AGBL1: variants seen among roughly 807,000 people sequenced by gnomAD.
AGBL1 encodes AGBL carboxypeptidase 1, also known as cytosolic carboxypeptidase 4.
AGBL1 carries 130 observed loss-of-function variants against 118.9 expected under a neutral mutation model. The observed-to-expected ratio is 1.09, with a 90% CI of 0.95 to 1.26. AGBL1 has a LOEUF of 1.26. AGBL1 is among the 50% of genes most tolerant of loss of function. The pLI, the probability that AGBL1 is intolerant of heterozygous loss-of-function variation, is 0.00. For missense variants in AGBL1, 1,584 were observed against 1,298.1 expected (o/e 1.22, Z -3.38); for synonymous variants, 555 against 478.9 (o/e 1.16, Z -2.08).
intron 23 of AGBL1, among the ~76,000 whole-genome samples, chr15:86,934,472 C>G (rs977339693): frequency 1.3e-5 from 2 of 151,936 alleles, no homozygotes; most frequent in African/African-American, 4.8e-5. Flanking sequence ...CCAGTATGTT[C>G]TGTGCTTACA....
At chr15:86,870,697 T>C (rs1178452033) in intron 22 of AGBL1, among the ~76,000 whole-genome samples, 2 of 151,988 alleles carry the variant, frequency 1.3e-5, no homozygotes, top group Admixed American at 6.6e-5. Context: ...GATGAATAAA[T>C]GAGTGGGAGA....
chr15:86,318,187 A>C (rs188664697), intron 17 of AGBL1, among the ~76,000 whole-genome samples: 1 of 152,166 alleles, frequency 6.6e-6, no homozygotes, highest in Non-Finnish European at 1.5e-5. Flanking sequence ...TGGGGATGTA[A>C]TTTTTTAAAA....
chr15:86,518,017 T>C (rs996514738), intron 18 of AGBL1, among the ~76,000 whole-genome samples: 1 of 152,206 alleles, frequency 6.6e-6, no homozygotes, highest in Non-Finnish European at 1.5e-5. Flanking sequence ...CTGCCTCTCT[T>C]TAGGCTCCAG....
intron 22 of AGBL1, among the ~76,000 whole-genome samples, chr15:86,728,354 G>C (rs1406466744): frequency 6.6e-6 from 1 of 152,142 alleles, no homozygotes; most frequent in Non-Finnish European, 1.5e-5. Flanking sequence ...TTTGCATGAG[G>C]CACTGAGCTT....
At chr15:86,232,912 G>C (rs1354604170) in intron 6 of AGBL1, among the ~76,000 whole-genome samples, 2 of 152,170 alleles carry the variant, frequency 1.3e-5, no homozygotes, top group African/African-American at 4.8e-5. Context: ...GGAGTAGGGA[G>C]AGAATGAGTG....
At chr15:86,203,521 T>C (rs2077941067) in intron 5 of AGBL1, among the ~76,000 whole-genome samples, 1 of 152,138 alleles carries the variant, frequency 6.6e-6, no homozygotes, top group Non-Finnish European at 1.5e-5. Flanking sequence ...GAGGAGTGGA[T>C]AGTTGGATAG....
chr15:86,252,563 G>A (rs571682332), intron 7 of AGBL1, among the ~76,000 whole-genome samples: 5 of 152,314 alleles, frequency 3.3e-5, no homozygotes, highest in African/African-American at 1.2e-4. Flanking sequence ...TAGCCAGCAG[G>A]TGGGGGTAAT....
intron 21 of AGBL1, among the ~76,000 whole-genome samples, chr15:86,622,438 A>G (rs1001389259): frequency 6.6e-6 from 1 of 152,224 alleles, no homozygotes; most frequent in African/African-American, 2.4e-5. Flanking sequence ...AACACTGACC[A>G]AAAGAGACCA....
At chr15:86,701,341 C>T (rs1197402253) in intron 22 of AGBL1, among the ~76,000 whole-genome samples, 3 of 151,928 alleles carry the variant, frequency 2.0e-5, no homozygotes, top group African/African-American at 7.3e-5. Flanking sequence ...TATGGGGACT[C>T]TGGTTGTGTG....
chr15:86,113,904 G>T (rs907709678), intron 1 of AGBL1, among the ~76,000 whole-genome samples: 3 of 152,186 alleles, frequency 2.0e-5, no homozygotes, highest in Non-Finnish European at 2.9e-5. Context: ...CCAAAGGAAA[G>T]ATTGGTAATA....
At chr15:86,978,214 A>G (rs911528631) in intron 23 of AGBL1, among the ~76,000 whole-genome samples, 3 of 152,180 alleles carry the variant, frequency 2.0e-5, no homozygotes, top group African/African-American at 7.2e-5. Flanking sequence ...GAAATGCCAT[A>G]TACAGACTTG....
At chr15:86,541,104 T>C (rs1048855233) in intron 19 of AGBL1, among the ~76,000 whole-genome samples, 3 of 152,208 alleles carry the variant, frequency 2.0e-5, no homozygotes, top group African/African-American at 7.2e-5. Context: ...GAATGGTGAG[T>C]GTTTATTCAC....
At chr15:86,475,771 G>A (rs1002460204) in intron 18 of AGBL1, among the ~76,000 whole-genome samples, 3 of 152,154 alleles carry the variant, frequency 2.0e-5, no homozygotes, top group Non-Finnish European at 4.4e-5. Flanking sequence ...ACACATAATT[G>A]TCAGATTCAC....
chr15:86,943,645 T>C lies in AGBL1; in HGVS notation c.3222-44342T>C, dbSNP rs555474443. The stretch of plus-strand genomic sequence containing the variant: ...GGCCGGCACCATGTTGCCTGCTTTT[T>C]TACTGCACATGTGGTGATGAAGAAA... On this transcript the variant is annotated intron_variant, in intron 23 of 24. Coordinates refer to the AGBL1 transcript ENST00000441037. 2.0e-5 allele frequency among the ~76,000 whole-genome samples: 3 copies of C among 152,322 alleles called. No homozygotes were observed. The South Asian group carries it at 6.2e-4, about 32-fold the overall frequency.
At chr15:86,235,545 A>C (rs1341566412) in intron 6 of AGBL1, among the ~76,000 whole-genome samples, 4 of 152,230 alleles carry the variant, frequency 2.6e-5, no homozygotes, top group African/African-American at 9.6e-5. Flanking sequence ...TAAACATTTC[A>C]TGACTCAGAA....
intron 5 of AGBL1, among the ~76,000 whole-genome samples, chr15:86,207,146 CTCTGT>C (rs1475748868): frequency 2.0e-5 from 3 of 152,088 alleles, no homozygotes; most frequent in Non-Finnish European, 2.9e-5. Context: ...TTTCTGAGGG[CTCTGT>C]TCTGTTCCAT....
chr15:86,158,936 C>G lies in AGBL1; in HGVS notation c.398C>G (p.Ser133Cys), dbSNP rs751561654. Residue 133 changes from serine (S) to cysteine (C), a missense_variant, in exon 5 of 23, where the codon TCC becomes TGC. By Grantham distance (112) the Ser-to-Cys change is moderately radical. Coordinates refer to ENST00000614907, the MANE Select transcript of AGBL1 (RefSeq NM_001386094.1). ...ACTGTGCTTTTGTTTTTCTTAGTCT[C>G]CATGGGAGCCATGCTGGGAATTAAT... Reference protein sequence around the residue: ...WALRVFASSVSMGAMLGINGA... With the variant: ...WALRVFASSVCMGAMLGINGA... 6.2e-7 allele frequency: 1 copy of G among 1,613,032 alleles called. No individual in the cohort carries two copies. The highest frequency in any genetic ancestry group is 1.3e-5 in the African/African-American group (1 of 74,880).
At chr15:86,248,215 G>T (rs2078753065) in intron 7 of AGBL1, among the ~76,000 whole-genome samples, 1 of 152,148 alleles carries the variant, frequency 6.6e-6, no homozygotes, top group African/African-American at 2.4e-5. Flanking sequence ...TACTCAGGAG[G>T]CTGAGACAGG....
At chr15:86,529,776 A>G (rs2083322896) in intron 19 of AGBL1, among the ~76,000 whole-genome samples, 2 of 152,008 alleles carry the variant, frequency 1.3e-5, no homozygotes, top group African/African-American at 4.8e-5. Flanking sequence ...GAAACCCTGC[A>G]AGCCAGAAGA....
Sources: gnomAD v4.1 joint callset for allele counts (sites outside exome capture counted in the v4.1 genomes callset) on GRCh38, gnomAD v4.1.1 for gene constraint, MANE v1.5 for transcripts, NCBI Gene and HGNC (gene_info 2026-07-23, HGNC 2026-07-21) for gene names.